The following XYLT1 variants were observed in gnomAD, a reference collection of about 807,000 sequenced individuals.
The protein encoded by XYLT1 is beta-D-xylosyltransferase 1.
Under a neutral mutation model 91.3 loss-of-function variants are expected in XYLT1, and 36 were observed. The observed-to-expected ratio is 0.39, with a 90% CI of 0.30 to 0.52. The LOEUF (loss-of-function observed/expected upper bound fraction) is 0.52, where lower values mean the gene tolerates loss of function less well. XYLT1 is among the 20% of genes least tolerant of loss of function. XYLT1 has a pLI of 0.68. For missense variants in XYLT1, 1,242 were observed against 1,284.5 expected (o/e 0.97, Z 0.51); for synonymous variants, 588 against 532.0 (o/e 1.11, Z -1.45).
At chr16:17,125,769 C>T (rs2890332) in intron 10 of XYLT1, among the ~76,000 whole-genome samples, 98,614 of 151,976 alleles carry the variant, frequency 0.65, 32,950 homozygotes, top group Non-Finnish European at 0.71. Flanking sequence ...TGCTCACTCA[C>T]TGGCTGGCTG....
intron 1 of XYLT1, among the ~76,000 whole-genome samples, chr16:17,418,276 T>A (rs571957093): frequency 1.3e-5 from 2 of 152,218 alleles, no homozygotes; most frequent in African/African-American, 2.4e-5. Flanking sequence ...GCTTAATAAA[T>A]ATATTATTTA....
intron 1 of XYLT1, among the ~76,000 whole-genome samples, chr16:17,468,468 G>C (rs2036930057): frequency 6.6e-6 from 1 of 152,174 alleles, no homozygotes; most frequent in Admixed American, 6.5e-5. Context: ...GTTGGAAGCA[G>C]AGTTTCAGAA....
rs879816514 is a variant in XYLT1 at position 17,455,741 on chromosome 16, G to A, written c.363+14693C>T. ...ATCCGGCCAGGCTATTTTCTGCGGC[G>A]TCTGCGCATAAAGATGATGTTCACC... On this transcript the variant is annotated intron_variant, in intron 1 of 11. Coordinates refer to ENST00000261381, the MANE Select transcript of XYLT1 (RefSeq NM_022166.4). 2.6e-5 allele frequency among the ~76,000 whole-genome samples: 4 copies of A among 152,280 alleles called. No homozygotes were observed. The East Asian group carries it at 7.7e-4, about 29-fold the overall frequency.
At chr16:17,361,204 G>A (rs1256668966) in intron 1 of XYLT1, among the ~76,000 whole-genome samples, 1 of 152,168 alleles carries the variant, frequency 6.6e-6, no homozygotes, top group Non-Finnish European at 1.5e-5. Context: ...GTGGCCTACT[G>A]TGTTTTTGCC....
chr16:17,169,055 C>A (rs1284996660), intron 5 of XYLT1, among the ~76,000 whole-genome samples: 1 of 152,236 alleles, frequency 6.6e-6, no homozygotes, highest in East Asian at 1.9e-4. Flanking sequence ...ATGACTTCCA[C>A]TTCTTCAATA....
intron 5 of XYLT1, among the ~76,000 whole-genome samples, chr16:17,177,199 A>G (rs943081326): frequency 1.3e-5 from 2 of 151,990 alleles, no homozygotes; most frequent in Non-Finnish European, 2.9e-5. Context: ...TTCAACTCTC[A>G]GGAAACCACT....
intron 2 of XYLT1, among the ~76,000 whole-genome samples, chr16:17,298,687 A>T (rs2034351386): frequency 6.6e-6 from 1 of 152,170 alleles, no homozygotes; most frequent in Non-Finnish European, 1.5e-5. Context: ...AAGGTCCTTC[A>T]GCTCTGACCT....
intron 5 of XYLT1, among the ~76,000 whole-genome samples, chr16:17,171,605 A>G (rs1219205103): frequency 1.3e-5 from 2 of 152,238 alleles, no homozygotes; most frequent in African/African-American, 4.8e-5. Context: ...TTTTCTTTTT[A>G]AACAGAGGAC....
chr16:17,412,330 C>T (rs797015993), intron 1 of XYLT1, among the ~76,000 whole-genome samples: 12 of 151,816 alleles, frequency 7.9e-5, no homozygotes, highest in African/African-American at 2.9e-4. Context: ...ACCTGGCACA[C>T]AGCACCAGGT....
At chr16:17,134,336 T>A in intron 9 of XYLT1, 137 bp downstream of exon 9, 2 of 1,224,926 alleles carry the variant, frequency 1.6e-6, no homozygotes, top group Non-Finnish European at 2.2e-6. Flanking sequence ...TAGATGAGTT[T>A]TGGGCAAAGG....
intron 1 of XYLT1, among the ~76,000 whole-genome samples, chr16:17,451,775 C>T (rs1236211481): frequency 1.3e-5 from 2 of 152,114 alleles, no homozygotes; most frequent in Non-Finnish European, 2.9e-5. Context: ...GGACCTGCTC[C>T]CCAGAGCTCA....
intron 1 of XYLT1, among the ~76,000 whole-genome samples, chr16:17,423,618 C>CT (rs576489897): frequency 3.7e-4 from 55 of 148,716 alleles, no homozygotes; most frequent in South Asian, 6.4e-4. Context: ...TCTTTTTTCT[C>CT]TTTTTTTTTT....
intron 1 of XYLT1, among the ~76,000 whole-genome samples, chr16:17,469,129 G>T (rs1219098738): frequency 6.6e-6 from 1 of 152,206 alleles, no homozygotes; most frequent in Non-Finnish European, 1.5e-5. Context: ...CAGTTCTCAG[G>T]CATGAAGAGC....
At chr16:17,356,804 G>A (rs2035300526) in intron 2 of XYLT1, among the ~76,000 whole-genome samples, 1 of 152,106 alleles carries the variant, frequency 6.6e-6, no homozygotes, top group African/African-American at 2.4e-5. Context: ...AACCCAAAGA[G>A]CTAAGGAAAT....
At chr16:17,331,486 G>C (rs1315650323) in intron 2 of XYLT1, among the ~76,000 whole-genome samples, 1 of 124,258 alleles carries the variant, frequency 8.0e-6, no homozygotes, top group East Asian at 2.0e-4. Context: ...TTGAAGAACT[G>C]AGTTTGCTCA....
intron 1 of XYLT1, among the ~76,000 whole-genome samples, chr16:17,397,180 T>A (rs750031425): frequency 6.6e-6 from 1 of 152,110 alleles, no homozygotes; most frequent in African/African-American, 2.4e-5. Flanking sequence ...ACAACGTAAA[T>A]TTTCCTTGGT....
At chr16:17,359,009 G>T (rs1249778437) in intron 1 of XYLT1, among the ~76,000 whole-genome samples, 1 of 152,168 alleles carries the variant, frequency 6.6e-6, no homozygotes, top group Admixed American at 6.5e-5. Context: ...AACCCTTTGG[G>T]TTGGAGGAGA....
chr16:17,224,077 A>G (rs1376503543), intron 3 of XYLT1, among the ~76,000 whole-genome samples: 1 of 152,222 alleles, frequency 6.6e-6, no homozygotes, highest in East Asian at 1.9e-4. Flanking sequence ...AAGCTACCAG[A>G]ACCTTTGAGC....
At chr16:17,350,912 G>A (rs1567387418) in intron 2 of XYLT1, among the ~76,000 whole-genome samples, 1 of 152,170 alleles carries the variant, frequency 6.6e-6, no homozygotes, top group Non-Finnish European at 1.5e-5. Flanking sequence ...ATCCCTGAAA[G>A]AAGAACCAGG....
Sources: gnomAD v4.1 joint callset for allele counts (sites outside exome capture counted in the v4.1 genomes callset) on GRCh38, gnomAD v4.1.1 for gene constraint, MANE v1.5 for transcripts, NCBI Gene and HGNC (gene_info 2026-07-23, HGNC 2026-07-21) for gene names.